The following ARG2 variants were observed in gnomAD, a reference collection of about 807,000 sequenced individuals.
ARG2 encodes arginase 2.
A neutral mutation model predicts 39.4 loss-of-function variants in ARG2; 21 were observed. That is an observed-to-expected ratio of 0.53 (90% CI 0.38 to 0.77). ARG2 has a LOEUF of 0.77. Ranked by LOEUF, ARG2 falls within the 30% of genes least tolerant of loss-of-function variation. ARG2 has a pLI of 0.00. For synonymous variants in ARG2, 150 were observed against 156.7 expected, an observed-to-expected ratio of 0.96 and a Z score of 0.32; for missense variants, 378 against 426.2, an observed-to-expected ratio of 0.89 and a Z score of 1.00.
intron 6 of ARG2, 75 bp from the exon 7 acceptor site, chr14:67,647,972 C>T: frequency 7.1e-7 from 1 of 1,406,186 alleles, no homozygotes; most frequent in Non-Finnish European, 9.7e-7. Flanking sequence ...GAGTTGCAAC[C>T]ATAAGAAGGA....
At chr14:67,642,121 C>T in intron 2 of ARG2, 65 bp from the exon 3 acceptor site, 2 of 1,487,962 alleles carry the variant, frequency 1.3e-6, no homozygotes, top group Non-Finnish European at 1.9e-6. Context: ...TCATTGTGGC[C>T]CAGGCTAGTT....
At chr14:67,644,073 C>T (rs2037066912) in intron 3 of ARG2, among the ~76,000 whole-genome samples, 1 of 152,128 alleles carries the variant, frequency 6.6e-6, no homozygotes, top group Non-Finnish European at 1.5e-5. Flanking sequence ...AATGTGATTA[C>T]CACAGATCTT....
intron 2 of ARG2, among the ~76,000 whole-genome samples, chr14:67,632,967 C>T (rs1449563899): frequency 2.6e-5 from 4 of 151,472 alleles, no homozygotes; most frequent in East Asian, 1.9e-4. Flanking sequence ...ACTACAGGCG[C>T]CCGCCACCAC....
chr14:67,625,519 T>TA (rs1244091106), intron 2 of ARG2, among the ~76,000 whole-genome samples: 2 of 149,994 alleles, frequency 1.3e-5, no homozygotes, highest in African/African-American at 4.9e-5. Flanking sequence ...CTACTAAAAA[T>TA]ACAAAAAAAA....
intron 2 of ARG2, among the ~76,000 whole-genome samples, chr14:67,627,959 T>C (rs2036884749): frequency 6.6e-6 from 1 of 152,196 alleles, no homozygotes; most frequent in African/African-American, 2.4e-5. Flanking sequence ...CTGATATGTA[T>C]TTGGAAGAGT....
chr14:67,638,751 G>A (rs2036999486), intron 2 of ARG2, among the ~76,000 whole-genome samples: 1 of 152,236 alleles, frequency 6.6e-6, no homozygotes, highest in South Asian at 2.1e-4. Context: ...CCTTAGCTTT[G>A]TGGATGCAGA....
intron 2 of ARG2, among the ~76,000 whole-genome samples, chr14:67,630,214 A>G (rs1483772105): frequency 6.6e-6 from 1 of 152,234 alleles, no homozygotes; most frequent in Non-Finnish European, 1.5e-5. Context: ...TGCTGTTGAA[A>G]TGGGTATCAT....
intron 3 of ARG2, among the ~76,000 whole-genome samples, chr14:67,643,088 C>G (rs563946118): frequency 1.3e-5 from 2 of 152,302 alleles, no homozygotes; most frequent in Admixed American, 6.5e-5. Flanking sequence ...CAGGCATGAG[C>G]CACTGTGCCC....
chr14:67,644,345 C>G (rs1257830630), intron 3 of ARG2, among the ~76,000 whole-genome samples: 1 of 152,152 alleles, frequency 6.6e-6, no homozygotes, highest in African/African-American at 2.4e-5. Context: ...GAAAAGGAAA[C>G]TGAAATCTAA....
At position 67,647,006 on chromosome 14, in the gene ARG2, T is replaced by C. The variant is rs1442308658; in HGVS notation, c.703T>C (p.Phe235Leu). ...TATCCAGAAGGTCATGGAACGAACA[T>C]TTGATCTGCTGATTGGCAAGTAAGT... Reference protein sequence around the residue: ...LGIQKVMERTFDLLIGKRQRP... With the variant: ...LGIQKVMERTLDLLIGKRQRP... The change falls in exon 6 of 8, where the codon TTT (phenylalanine) becomes CTT (leucine). Residue 235 changes from phenylalanine (F) to leucine (L), a missense_variant. Physicochemically the swap from Phe to Leu is conservative, Grantham distance 22. Transcript: ENST00000261783. 2 of 1,611,276 alleles carry C rather than the reference T, an allele frequency of 1.2e-6. No individual in the cohort carries two copies. The highest frequency in any genetic ancestry group is 1.7e-5 in the Admixed American group (1 of 60,008).
chr14:67,639,920 G>C (rs1044746113), intron 2 of ARG2, among the ~76,000 whole-genome samples: 24 of 91,166 alleles, frequency 2.6e-4, no homozygotes, highest in Admixed American at 5.0e-4. Flanking sequence ...GCAAGACCCT[G>C]TCTCAAAAAA....
At chr14:67,632,306 A>C (rs1020148668) in intron 2 of ARG2, among the ~76,000 whole-genome samples, 1 of 152,244 alleles carries the variant, frequency 6.6e-6, no homozygotes, top group South Asian at 2.1e-4. Context: ...ATGAAAGTAG[A>C]GATGGTAACA....
chr14:67,644,990 T>C (rs1594829107), intron 3 of ARG2, among the ~76,000 whole-genome samples: 1 of 140,746 alleles, frequency 7.1e-6, no homozygotes, highest in African/African-American at 2.7e-5. Flanking sequence ...AGAGCGAGAC[T>C]CCGTCTTAAA....
At chr14:67,630,926 C>G (rs1030033598) in intron 2 of ARG2, among the ~76,000 whole-genome samples, 1 of 152,126 alleles carries the variant, frequency 6.6e-6, no homozygotes, top group Non-Finnish European at 1.5e-5. Context: ...GGTTAATGCT[C>G]CCAGCTAAAA....
chr14:67,620,338 C>T (rs894931231), intron 1 of ARG2, among the ~76,000 whole-genome samples: 2 of 151,934 alleles, frequency 1.3e-5, no homozygotes, highest in African/African-American at 2.4e-5. Flanking sequence ...TCTGCGGCCT[C>T]CCCAGAAAGA....
intron 3 of ARG2, among the ~76,000 whole-genome samples, chr14:67,644,442 G>A (rs2037070475): frequency 6.6e-6 from 1 of 152,110 alleles, no homozygotes; most frequent in African/African-American, 2.4e-5. Context: ...CTTTTCACTA[G>A]ACCATGCTAT....
rs763722348 is a variant in ARG2 at position 67,648,022 on chromosome 14, ATTATT to A, written c.723-20_723-16del. ...CAACCAGTTAAGTATTATTTTAAGTATTATTTTATCCTCTTCCTTTTTAGGAGACA... is the reference window on the plus strand; with the variant it reads ...CAACCAGTTAAGTATTATTTTAAGTATTATCCTCTTCCTTTTTAGGAGACA... On this transcript the variant is annotated intron_variant, in intron 6 of 7. Transcript: ENST00000261783. The A allele has an allele frequency of 1.1e-5, 18 of 1,572,234 alleles. No individual in the cohort carries two copies. The African/African-American group carries it at 2.3e-4, about 20-fold the overall frequency.
At chr14:67,645,919 T>A in intron 4 of ARG2, 117 bp downstream of exon 4, 1 of 1,172,612 alleles carries the variant, frequency 8.5e-7, no homozygotes, top group Admixed American at 2.2e-5. Flanking sequence ...CACTCCTTCA[T>A]TTGTTCATCA....
intron 2 of ARG2, among the ~76,000 whole-genome samples, chr14:67,626,095 A>T (rs966960431): frequency 3.3e-5 from 5 of 152,076 alleles, no homozygotes; most frequent in African/African-American, 1.2e-4. Context: ...TCTACTAAAA[A>T]ATACAAAAAT....
Sources: allele counts gnomAD v4.1 joint callset (sites outside exome capture counted in the v4.1 genomes callset), GRCh38; gene constraint gnomAD v4.1.1; transcripts MANE v1.5; gene names NCBI Gene and HGNC (gene_info 2026-07-23, HGNC 2026-07-21).